CATSPERT: variants seen among roughly 807,000 people sequenced by gnomAD.
CATSPERT encodes the protein cation channel sperm-associated targeting subunit tau.
At chr2:201,507,983 C>T in the CATSPERT span, among the ~76,000 whole-genome samples, 1 of 152,204 alleles carries the variant, frequency 6.6e-6, no homozygotes, top group East Asian at 1.9e-4. Context: ...TCACCTCCCA[C>T]CAAGCCCCTC....
At chr2:201,609,813 T>C in the CATSPERT span, among the ~76,000 whole-genome samples, 1 of 151,842 alleles carries the variant, frequency 6.6e-6, no homozygotes, top group Non-Finnish European at 1.5e-5. Context: ...AACCTAAAAT[T>C]AGTGGAAGAA....
At chr2:201,547,525 AT>A in the CATSPERT span, 1 of 1,547,342 alleles carries the variant, frequency 6.5e-7, no homozygotes, top group Non-Finnish European at 8.8e-7. Context: ...TTATGTTCCA[AT>A]TTTGGCATTA....
the CATSPERT span, among the ~76,000 whole-genome samples, chr2:201,537,736 A>G: frequency 1.3e-5 from 2 of 151,926 alleles, no homozygotes; most frequent in Non-Finnish European, 2.9e-5. Context: ...ATATTTTTTA[A>G]AAGTTGGGAG....
At chr2:201,570,769 A>G in the CATSPERT span, among the ~76,000 whole-genome samples, 7 of 152,150 alleles carry the variant, frequency 4.6e-5, no homozygotes, top group African/African-American at 1.7e-4. Context: ...TCTCTAACAT[A>G]ATAGAGTCTC....
the CATSPERT span, among the ~76,000 whole-genome samples, chr2:201,530,933 T>C: frequency 6.6e-6 from 1 of 150,584 alleles, no homozygotes; most frequent in Non-Finnish European, 1.5e-5. Flanking sequence ...GACACTGCAG[T>C]GTTTTTGTTT....
chr2:201,561,962 T>C, the CATSPERT span, among the ~76,000 whole-genome samples: 3 of 152,036 alleles, frequency 2.0e-5, no homozygotes, highest in African/African-American at 7.2e-5. Flanking sequence ...ATTCAAATTA[T>C]GGTCTATAAG....
At chr2:201,583,284 C>T in the CATSPERT span, among the ~76,000 whole-genome samples, 3 of 152,292 alleles carry the variant, frequency 2.0e-5, no homozygotes, top group African/African-American at 4.8e-5. Context: ...CCCCAACCAT[C>T]CTCCCAGAAA....
the CATSPERT span, among the ~76,000 whole-genome samples, chr2:201,585,354 G>T: frequency 7.5e-5 from 11 of 147,584 alleles, no homozygotes; most frequent in Non-Finnish European, 4.4e-5. Flanking sequence ...TGCACGTTCT[G>T]CACATGTATC....
chr2:201,527,387 T>C, the CATSPERT span, among the ~76,000 whole-genome samples: 1 of 152,198 alleles, frequency 6.6e-6, no homozygotes, highest in Non-Finnish European at 1.5e-5. Context: ...ATGACATTCT[T>C]TGCAGAATTA....
the CATSPERT span, among the ~76,000 whole-genome samples, chr2:201,519,178 A>G: frequency 6.6e-6 from 1 of 152,300 alleles, no homozygotes; most frequent in South Asian, 2.1e-4. Context: ...GGGTAGGAAG[A>G]AACTTTGCCC....
chr2:201,547,636 G>GA, the CATSPERT span: 8 of 1,259,696 alleles, frequency 6.4e-6, no homozygotes, highest in African/African-American at 7.6e-5. Context: ...AGTTATGAAT[G>GA]AAAAAAGCAA....
the CATSPERT span, among the ~76,000 whole-genome samples, chr2:201,552,065 C>A: frequency 0.055 from 8,336 of 151,744 alleles, 277 homozygotes; most frequent in African/African-American, 0.08. Flanking sequence ...ATCTCGGCCC[C>A]GTGTGATCTC....
chr2:201,594,860 T>G, the CATSPERT span, among the ~76,000 whole-genome samples: 1 of 152,200 alleles, frequency 6.6e-6, no homozygotes, highest in African/African-American at 2.4e-5. Context: ...CTGTATTGTT[T>G]ATTCTAGTTA....
the CATSPERT span, among the ~76,000 whole-genome samples, chr2:201,533,120 A>G: frequency 2.6e-5 from 4 of 152,210 alleles, no homozygotes; most frequent in Non-Finnish European, 5.9e-5. Flanking sequence ...TTAGAAGTGT[A>G]ACATTTGACT....
chr2:201,612,440 G>C, the CATSPERT span, among the ~76,000 whole-genome samples: 5 of 152,178 alleles, frequency 3.3e-5, no homozygotes, highest in African/African-American at 9.6e-5. Context: ...CTGGCCTGGT[G>C]GTGGGTGCCT....
At chr2:201,610,970 C>T in the CATSPERT span, among the ~76,000 whole-genome samples, 1 of 152,090 alleles carries the variant, frequency 6.6e-6, no homozygotes, top group Non-Finnish European at 1.5e-5. Flanking sequence ...AAGGAATGTA[C>T]TTCAACATAA....
chr2:201,535,963 T>C, the CATSPERT span: 3 of 1,598,742 alleles, frequency 1.9e-6, no homozygotes, highest in Non-Finnish European at 2.6e-6. Context: ...CTAATTTCTG[T>C]TGGAGATGAA....
the CATSPERT span, among the ~76,000 whole-genome samples, chr2:201,566,330 A>G: frequency 8.2e-5 from 12 of 146,440 alleles, no homozygotes; most frequent in Non-Finnish European, 1.7e-4. Flanking sequence ...TACATTAGGT[A>G]TATCTCCTAA....
the CATSPERT span, among the ~76,000 whole-genome samples, chr2:201,524,433 C>T: frequency 1.2e-3 from 187 of 152,182 alleles, no homozygotes; most frequent in African/African-American, 4.4e-3. Flanking sequence ...TAAGGGAATT[C>T]TTTACCATCA....
Sources: allele counts gnomAD v4.1 joint callset (sites outside exome capture counted in the v4.1 genomes callset), GRCh38; gene constraint gnomAD v4.1.1; transcripts MANE v1.5; gene names NCBI Gene and HGNC (gene_info 2026-07-23, HGNC 2026-07-21).